The following CPNE4 variants were observed in gnomAD, a reference collection of about 807,000 sequenced individuals.
CPNE4 encodes copine-4.
In CPNE4, 25 loss-of-function variants were observed where a neutral mutation model predicts 67.9. The ratio of observed to expected loss-of-function variants is 0.37; its 90% CI spans 0.27 to 0.51. CPNE4 has a LOEUF of 0.51. Ranked by LOEUF, CPNE4 falls within the 20% of genes least tolerant of loss-of-function variation. CPNE4 has a pLI of 0.93. For synonymous variants in CPNE4, 242 were observed against 244.9 expected (o/e 0.99, Z 0.11); for missense variants, 464 against 690.8 (o/e 0.67, Z 3.68).
chr3:132,000,887 T>C (rs1331412011), intron 1 of CPNE4, among the ~76,000 whole-genome samples: 2 of 150,066 alleles, frequency 1.3e-5, no homozygotes, highest in East Asian at 3.9e-4. Context: ...TAATACATTA[T>C]ATCTCCCTTA....
At chr3:131,971,623 C>T (rs965234607) in intron 1 of CPNE4, among the ~76,000 whole-genome samples, 19 of 152,128 alleles carry the variant, frequency 1.2e-4, no homozygotes, top group African/African-American at 4.3e-4. Context: ...TTTCTTGGCC[C>T]TTCAGTTGCA....
intron 7 of CPNE4, among the ~76,000 whole-genome samples, chr3:131,617,871 G>C (rs72999297): frequency 1.3e-5 from 2 of 152,090 alleles, no homozygotes; most frequent in Admixed American, 6.5e-5. Flanking sequence ...TCTTCAGAGG[G>C]TTCTGTTTGA....
At chr3:131,730,470 A>T (rs965871929) in intron 2 of CPNE4, among the ~76,000 whole-genome samples, 5 of 152,168 alleles carry the variant, frequency 3.3e-5, no homozygotes, top group African/African-American at 4.8e-5. Context: ...ATACTATGTC[A>T]TTTGTTATAG....
At chr3:131,844,553 C>T (rs1170671476) in intron 2 of CPNE4, among the ~76,000 whole-genome samples, 1 of 152,114 alleles carries the variant, frequency 6.6e-6, no homozygotes, top group East Asian at 1.9e-4. Flanking sequence ...CACGCCCAGC[C>T]CATCTCTGTA....
chr3:131,849,037 T>C (rs897688991), intron 2 of CPNE4, among the ~76,000 whole-genome samples: 2 of 149,588 alleles, frequency 1.3e-5, no homozygotes, highest in East Asian at 2.0e-4. Flanking sequence ...CCAAAGTTGG[T>C]ACAGAAAATA....
intron 1 of CPNE4, among the ~76,000 whole-genome samples, chr3:131,987,441 C>T (rs1305094863): frequency 6.7e-6 from 1 of 149,836 alleles, no homozygotes; most frequent in Admixed American, 6.7e-5. Context: ...GGCTGCAGGG[C>T]AATGGCATGA....
At chr3:132,018,278 G>T (rs1182562381) in intron 1 of CPNE4, among the ~76,000 whole-genome samples, 1 of 152,136 alleles carries the variant, frequency 6.6e-6, no homozygotes, top group Admixed American at 6.5e-5. Flanking sequence ...AAAATCAGAT[G>T]CACACAATTA....
At chr3:131,722,070 C>T (rs1048134162) in intron 3 of CPNE4, among the ~76,000 whole-genome samples, 3 of 152,122 alleles carry the variant, frequency 2.0e-5, no homozygotes, top group African/African-American at 7.2e-5. Flanking sequence ...AAAAGGGGAA[C>T]AGAGGACACT....
At chr3:131,603,044 T>TG (rs1939295719) in intron 7 of CPNE4, among the ~76,000 whole-genome samples, 1 of 152,036 alleles carries the variant, frequency 6.6e-6, no homozygotes, top group African/African-American at 2.4e-5. Flanking sequence ...ACAATTTTTT[T>TG]GGGTTTAGGA....
At chr3:131,669,640 TA>T in intron 7 of CPNE4, 34 bp downstream of exon 7, 2 of 1,525,956 alleles carry the variant, frequency 1.3e-6, no homozygotes, top group Non-Finnish European at 1.8e-6. Context: ...ATACTTTTTT[TA>T]AAAAATCACA....
intron 2 of CPNE4, among the ~76,000 whole-genome samples, chr3:131,783,736 A>C (rs16837848): frequency 0.24 from 36,692 of 151,970 alleles, 4,720 homozygotes; most frequent in East Asian, 0.34. Context: ...CTGTGCTCTT[A>C]AACCTATTGC....
rs185447127 is a variant in CPNE4, at chr3:131,597,314, G to T, written c.682-9732C>A. ...CACACATCAGGGCCTGTTGTGGGGT[G>T]GGGGGATGCTAGGAGAGGGATAACA... On this transcript the variant is annotated intron_variant, in intron 7 of 15. Transcript: ENST00000429747. Among the ~76,000 whole-genome samples the T allele has an allele frequency of 4.2e-3, 636 of 152,176 alleles. 10 individuals carry two copies. Among genetic ancestry groups the T allele is most frequent in the African/African-American group, 0.014 (581 of 41,512 alleles).
chr3:131,958,975 T>C (rs865923802), intron 1 of CPNE4, among the ~76,000 whole-genome samples: 2 of 3,498 alleles, frequency 5.7e-4, no homozygotes, highest in South Asian at 0.017. Flanking sequence ...CCTTTCTTTT[T>C]TTTTTTTTTT....
intron 2 of CPNE4, among the ~76,000 whole-genome samples, chr3:131,872,940 T>G (rs1316413010): frequency 1.3e-5 from 2 of 151,360 alleles, no homozygotes; most frequent in South Asian, 2.1e-4. Context: ...AACCTTTATG[T>G]GCCCTGTCTT....
At chr3:131,655,537 C>G (rs1424967537) in intron 7 of CPNE4, among the ~76,000 whole-genome samples, 3 of 152,096 alleles carry the variant, frequency 2.0e-5, no homozygotes, top group African/African-American at 4.8e-5. Context: ...TGATTTTACT[C>G]TTTCATGGGA....
At chr3:131,829,511 G>A (rs537645954) in intron 2 of CPNE4, among the ~76,000 whole-genome samples, 1 of 152,292 alleles carries the variant, frequency 6.6e-6, no homozygotes, top group African/African-American at 2.4e-5. Context: ...GCACATGGCC[G>A]AAGGTTAGTA....
intron 1 of CPNE4, among the ~76,000 whole-genome samples, chr3:131,994,160 T>C (rs549391006): frequency 2.9e-5 from 4 of 136,538 alleles, no homozygotes; most frequent in African/African-American, 4.9e-5. Flanking sequence ...ACAAGATTCA[T>C]ATGCTGTAAA....
At chr3:131,869,811 T>C (rs1214447195) in intron 2 of CPNE4, among the ~76,000 whole-genome samples, 1 of 152,214 alleles carries the variant, frequency 6.6e-6, no homozygotes, top group Non-Finnish European at 1.5e-5. Context: ...TTTTCATTTA[T>C]GTTTTGAAAG....
chr3:132,014,562 C>T (rs778813785), intron 1 of CPNE4, among the ~76,000 whole-genome samples: 6 of 152,096 alleles, frequency 3.9e-5, no homozygotes, highest in African/African-American at 9.7e-5. Flanking sequence ...CTTTTTCTTT[C>T]TTTTTCCGTT....
Sources: gnomAD v4.1 joint callset for allele counts (sites outside exome capture counted in the v4.1 genomes callset) on GRCh38, gnomAD v4.1.1 for gene constraint, MANE v1.5 for transcripts, NCBI Gene and HGNC (gene_info 2026-07-23, HGNC 2026-07-21) for gene names.